The following ZFAND3 variants were observed in gnomAD, a reference collection of about 807,000 sequenced individuals.
The protein encoded by ZFAND3 is zinc finger AN1-type containing 3.
A neutral mutation model predicts 29.6 loss-of-function variants in ZFAND3; 10 were observed. The observed-to-expected ratio is 0.34, with a 90% CI of 0.21 to 0.57. The LOEUF (loss-of-function observed/expected upper bound fraction) is 0.57. Ranked by LOEUF, ZFAND3 falls within the 20% of genes least tolerant of loss-of-function variation. The pLI, the probability that ZFAND3 is intolerant of heterozygous loss-of-function variation, is 0.86. For synonymous variants in ZFAND3, 128 were observed against 112.6 expected, an observed-to-expected ratio of 1.14 and a Z score of -0.87; for missense variants, 230 against 304.5, an observed-to-expected ratio of 0.76 and a Z score of 1.82.
intron 2 of ZFAND3, among the ~76,000 whole-genome samples, chr6:37,977,828 TTTCCTTCCTTCCTTCC>T (rs375787038): frequency 2.6e-5 from 2 of 76,420 alleles, no homozygotes; most frequent in East Asian, 3.6e-4. Flanking sequence ...GTAAAATGCT[TTTCCTTCCTTCCTTCC>T]TTCCTTCCTT....
intron 1 of ZFAND3, among the ~76,000 whole-genome samples, chr6:37,827,193 C>G (rs1763776138): frequency 6.6e-6 from 1 of 152,154 alleles, no homozygotes; most frequent in Non-Finnish European, 1.5e-5. Flanking sequence ...GGGATGTGTT[C>G]CTTTGGTCAG....
intron 3 of ZFAND3, among the ~76,000 whole-genome samples, chr6:38,078,635 G>GT (rs1764598107): frequency 6.6e-6 from 1 of 152,164 alleles, no homozygotes; most frequent in African/African-American, 2.4e-5. Context: ...CCCAAACTCA[G>GT]TTGCCACTGA....
intron 4 of ZFAND3, among the ~76,000 whole-genome samples, chr6:38,100,481 A>G (rs959218559): frequency 6.6e-6 from 1 of 152,228 alleles, no homozygotes; most frequent in Non-Finnish European, 1.5e-5. Context: ...TGTTGGAGGA[A>G]GTAAGGACCA....
intron 2 of ZFAND3, among the ~76,000 whole-genome samples, chr6:37,944,314 T>A (rs1163523363): frequency 6.6e-6 from 1 of 152,214 alleles, no homozygotes; most frequent in Non-Finnish European, 1.5e-5. Context: ...CCAAACTTGA[T>A]GAAAATCTTT....
At chr6:38,121,536 G>T (rs781424658) in intron 5 of ZFAND3, among the ~76,000 whole-genome samples, 26 of 152,232 alleles carry the variant, frequency 1.7e-4, no homozygotes, top group Middle Eastern at 3.4e-3. Flanking sequence ...CAGCCTTTCT[G>T]TTTTTTTATG....
intron 2 of ZFAND3, among the ~76,000 whole-genome samples, chr6:38,025,123 A>T (rs1019473312): frequency 6.6e-6 from 1 of 152,182 alleles, no homozygotes; most frequent in African/African-American, 2.4e-5. Flanking sequence ...GGATCCATTC[A>T]TTACATTCCT....
intron 2 of ZFAND3, among the ~76,000 whole-genome samples, chr6:37,934,346 G>A (rs1032488010): frequency 2.0e-5 from 3 of 152,040 alleles, no homozygotes; most frequent in African/African-American, 7.2e-5. Flanking sequence ...AGTCTTAAGA[G>A]AAAGGCCTTG....
chr6:37,964,002 A>T (rs544877036), intron 2 of ZFAND3, among the ~76,000 whole-genome samples: 1 of 152,182 alleles, frequency 6.6e-6, no homozygotes, highest in Non-Finnish European at 1.5e-5. Flanking sequence ...CTAGTGTTCC[A>T]TATATTATAA....
chr6:37,962,714 C>T lies in ZFAND3; in HGVS notation c.112+32715C>T, dbSNP rs537252043. ...AATGGACCAATCAGCAGGATGTGGG[C>T]GGGGCCAAATAAGGGAATAAAAGCT... On this transcript the variant is annotated intron_variant, in intron 2 of 5. Transcript: ENST00000287218. Among the ~76,000 whole-genome samples, 434 of 152,234 alleles carry T rather than the reference C, an allele frequency of 2.9e-3. 2 individuals are homozygous for T. Among genetic ancestry groups the T allele is most frequent in the African/African-American group, 9.8e-3 (409 of 41,526 alleles).
chr6:38,012,188 C>T (rs1459593849), intron 2 of ZFAND3, among the ~76,000 whole-genome samples: 1 of 151,914 alleles, frequency 6.6e-6, no homozygotes, highest in African/African-American at 2.4e-5. Flanking sequence ...GCGTCGTGTT[C>T]TCAAGAAGCA....
At chr6:37,870,770 A>G (rs991218636) in intron 1 of ZFAND3, among the ~76,000 whole-genome samples, 5 of 152,272 alleles carry the variant, frequency 3.3e-5, no homozygotes, top group African/African-American at 1.2e-4. Context: ...TGCAGCCTCA[A>G]ACCCCTGGGC....
intron 1 of ZFAND3, among the ~76,000 whole-genome samples, chr6:37,888,541 G>T (rs1295225123): frequency 6.6e-6 from 1 of 152,072 alleles, no homozygotes; most frequent in Non-Finnish European, 1.5e-5. Flanking sequence ...GCATTGGCTT[G>T]TATATCCCTT....
At chr6:37,824,640 G>A (rs1455509849) in intron 1 of ZFAND3, among the ~76,000 whole-genome samples, 1 of 152,068 alleles carries the variant, frequency 6.6e-6, no homozygotes, top group Non-Finnish European at 1.5e-5. Flanking sequence ...TGTTCAGTCT[G>A]GTATTTAGAG....
chr6:38,005,002 A>G (rs1376678335), intron 2 of ZFAND3, among the ~76,000 whole-genome samples: 1 of 152,202 alleles, frequency 6.6e-6, no homozygotes, highest in Non-Finnish European at 1.5e-5. Flanking sequence ...TCACAAATTC[A>G]TGCAGTTGCG....
intron 2 of ZFAND3, among the ~76,000 whole-genome samples, chr6:38,001,929 A>G (rs1762955491): frequency 6.6e-6 from 1 of 152,192 alleles, no homozygotes; most frequent in East Asian, 1.9e-4. Flanking sequence ...TTTAGTCTAA[A>G]TATTGATATA....
intron 1 of ZFAND3, among the ~76,000 whole-genome samples, chr6:37,838,419 A>G (rs923853419): frequency 4.0e-5 from 6 of 150,024 alleles, no homozygotes; most frequent in South Asian, 2.1e-4. Flanking sequence ...ATTCCAGACA[A>G]TTTCATCACT....
intron 2 of ZFAND3, among the ~76,000 whole-genome samples, chr6:38,023,100 G>A (rs1328512061): frequency 2.6e-5 from 4 of 152,184 alleles, no homozygotes; most frequent in Admixed American, 6.5e-5. Context: ...GAGAAAAAGC[G>A]TTTGGTAATA....
At position 37,884,314 on chromosome 6, in the gene ZFAND3, A is replaced by G. The variant is rs78049404; in HGVS notation, c.72-45645A>G. Reference sequence around the variant, plus strand: ...TTTGAGACCAGCCTGGCCAACACAGAGAAACCTTATCTTTACTAAAAAATA... The same window carrying G: ...TTTGAGACCAGCCTGGCCAACACAGGGAAACCTTATCTTTACTAAAAAATA... On this transcript the variant is annotated intron_variant, in intron 1 of 5. Coordinates refer to ENST00000287218, the MANE Select transcript of ZFAND3 (RefSeq NM_021943.3). 3.7e-3 allele frequency among the ~76,000 whole-genome samples: 527 copies of G among 143,556 alleles called. 35 individuals carry two copies. The East Asian group carries it at 0.095, about 26-fold the overall frequency. The allele number at this position is 143,556 out of a possible 152,430, so 94.2% of individuals were successfully genotyped here.
At chr6:38,109,964 C>T (rs1007259044) in intron 4 of ZFAND3, among the ~76,000 whole-genome samples, 1 of 152,170 alleles carries the variant, frequency 6.6e-6, no homozygotes, top group East Asian at 1.9e-4. Context: ...CCAAGATGGT[C>T]AGCCTTCCTG....
Sources: allele counts gnomAD v4.1 joint callset (sites outside exome capture counted in the v4.1 genomes callset), GRCh38; gene constraint gnomAD v4.1.1; transcripts MANE v1.5; gene names NCBI Gene and HGNC (gene_info 2026-07-23, HGNC 2026-07-21).